Variants in GOLGA8A observed in about 807,000 individuals in gnomAD.
GOLGA8A encodes the protein golgin A8 family member A.
Under a neutral mutation model 22.1 loss-of-function variants are expected in GOLGA8A, and 3 were observed. The observed-to-expected ratio is 0.14, with a 90% CI of 0.06 to 0.35. The LOEUF (loss-of-function observed/expected upper bound fraction) is 0.35, where lower values mean the gene tolerates loss of function less well. Ranked by LOEUF, GOLGA8A falls within the 10% of genes least tolerant of loss-of-function variation. The pLI is 1.00. For missense variants in GOLGA8A, 16 were observed against 233.2 expected, an observed-to-expected ratio of 0.07 and a Z score of 6.07; for synonymous variants, 7 against 91.7, an observed-to-expected ratio of 0.08 and a Z score of 5.28.
chr15:34,423,460 A>C (rs201663298), intron 2 of GOLGA8A, among the ~76,000 whole-genome samples: 5,859 of 136,082 alleles, frequency 0.043, 55 homozygotes, highest in South Asian at 0.13. Flanking sequence ...CAAAGACTAA[A>C]TGAAAATGAT....
intron 1 of GOLGA8A, among the ~76,000 whole-genome samples, chr15:34,437,128 T>C (rs1893561674): frequency 6.8e-6 from 1 of 146,266 alleles, no homozygotes; most frequent in Admixed American, 6.8e-5. Context: ...CCTCCCGGGA[T>C]GCGAAAGCCA....
chr15:34,386,108 G>A (rs981935306), intron 12 of GOLGA8A, among the ~76,000 whole-genome samples: 2 of 147,592 alleles, frequency 1.4e-5, no homozygotes, highest in African/African-American at 2.7e-5. Flanking sequence ...TACTGAGCAC[G>A]TACGGGCCAG....
chr15:34,432,206 G>T lies in GOLGA8A; in HGVS notation c.-1123+3177C>A, dbSNP rs1324729373. Among the ~76,000 whole-genome samples the T allele has an allele frequency of 1.3e-5, 2 of 149,124 alleles. 1 individual carries two copies. Among genetic ancestry groups the T allele is most frequent in the African/African-American group, 4.9e-5 (2 of 40,406 alleles). ...GCTCCCAGACCCTTTTCCCATCGCT[G>T]TATAGGGCCCACGTCATCTGTGGCA... On this transcript the variant is annotated intron_variant, in intron 2 of 24. Coordinates refer to ENST00000359187, the MANE Select transcript of GOLGA8A (RefSeq NM_181077.5).
At chr15:34,425,855 A>T (rs1892961511) in intron 2 of GOLGA8A, among the ~76,000 whole-genome samples, 1 of 145,494 alleles carries the variant, frequency 6.9e-6, no homozygotes, top group South Asian at 2.4e-4. Flanking sequence ...CACAATTTTT[A>T]CAAACACAAA....
At chr15:34,435,494 A>C (rs1225259377) in intron 1 of GOLGA8A, 23 bp from the exon 2 acceptor site, 2 of 148,742 alleles carry the variant, frequency 1.3e-5, no homozygotes, top group South Asian at 4.3e-4. Flanking sequence ...TTTTTTTTTA[A>C]AGTTTAGAGT....
In GOLGA8A at chr15:34,423,835, G is replaced by A. The variant is rs3866561; in HGVS notation, c.-1123+11548C>T. ...CCCCACCACCTGCTTTGAGAACCAG[G>A]GCTGTGCCCTACCCTCTTCTCCCTA... On this transcript the variant is annotated intron_variant, in intron 2 of 24. Transcript: ENST00000359187. 1.1e-4 allele frequency among the ~76,000 whole-genome samples: 17 copies of A among 149,096 alleles called. 2 individuals carry two copies. Among genetic ancestry groups the A allele is most frequent in the South Asian group, 6.4e-4 (3 of 4,686 alleles).
At chr15:34,400,639 C>A (rs1316754482) in intron 6 of GOLGA8A, 73 bp downstream of exon 6, 2 of 142,820 alleles carry the variant, frequency 1.4e-5, no homozygotes, top group Non-Finnish European at 3.1e-5. Flanking sequence ...TTGTTTTAGG[C>A]CTGCGTGCTT....
At chr15:34,432,166 C>G (rs1367520320) in intron 2 of GOLGA8A, among the ~76,000 whole-genome samples, 2 of 149,176 alleles carry the variant, frequency 1.3e-5, no homozygotes. Context: ...CGTCAGCCAC[C>G]TTCCTGGAGG....
Position 34,429,894 on chromosome 15 carries a change from CACT to C in GOLGA8A, c.-1123+5486_-1123+5488del, listed in dbSNP as rs201008183. On this transcript the variant is annotated intron_variant, in intron 2 of 24. Coordinates refer to ENST00000359187, the MANE Select transcript of GOLGA8A (RefSeq NM_181077.5). The stretch of plus-strand genomic sequence containing the variant: ...TTAGTGTCCCGCACCCCTTTGTTTC[CACT>C]ATTAGATTAAGCCACCCTATGTGAC... Among the ~76,000 whole-genome samples the C allele has an allele frequency of 1.3e-4, 19 of 147,992 alleles. No individual in the cohort carries two copies. In the East Asian group the frequency reaches 2.6e-3, roughly 20 times the overall value.
At chr15:34,431,343 A>ATCTCTCTC (rs1566914036) in intron 2 of GOLGA8A, among the ~76,000 whole-genome samples, 1 of 119,304 alleles carries the variant, frequency 8.4e-6, no homozygotes, top group African/African-American at 3.2e-5. Context: ...ATATATATAT[A>ATCTCTCTC]TATCTCACAC....
chr15:34,422,695 G>A lies in GOLGA8A; in HGVS notation c.-1123+12688C>T, dbSNP rs1240391029. Among the ~76,000 whole-genome samples, 6 of 86,990 alleles carry A rather than the reference G, an allele frequency of 6.9e-5. 1 individual carries two copies. The highest frequency in any genetic ancestry group is 1.4e-4 in the Non-Finnish European group (5 of 34,742). 57.1% of individuals were successfully genotyped at this position (86,990 alleles called of 152,430 possible). A position where few individuals can be genotyped will look rare whatever the true frequency, so the allele number is the denominator to read the frequency against. On this transcript the variant is annotated intron_variant, in intron 2 of 24. Coordinates refer to ENST00000359187, the MANE Select transcript of GOLGA8A (RefSeq NM_181077.5). ...ATGCCTGCTACTTGGCCTTGTGTAC[G>A]CTCGCGCTCGTGCGCTTGTGCGCTC...
intron 2 of GOLGA8A, among the ~76,000 whole-genome samples, chr15:34,427,657 G>C (rs349634): frequency 0.55 from 78,703 of 144,124 alleles, 25,703 homozygotes; most frequent in Non-Finnish European, 0.67. Context: ...CAGCCTGCCA[G>C]CCATCGGACT....
Position 34,436,537 on chromosome 15 carries a change from G to T in GOLGA8A, c.-1212+861C>A, listed in dbSNP as rs1490911292. On this transcript the variant is annotated intron_variant, in intron 1 of 24. Coordinates refer to ENST00000359187, the MANE Select transcript of GOLGA8A (RefSeq NM_181077.5). ...GTAAATACTAAGTTAAGACTAGCAG[G>T]CCCCTCTAAGGCTCTGCTCTCCACT... Among the ~76,000 whole-genome samples the T allele has an allele frequency of 1.3e-5, 2 of 149,932 alleles. 1 individual carries two copies. Among genetic ancestry groups the T allele is most frequent in the African/African-American group, 4.9e-5 (2 of 40,714 alleles).
chr15:34,422,989 AGAG>A (rs1331840353), intron 2 of GOLGA8A, among the ~76,000 whole-genome samples: 1 of 128,942 alleles, frequency 7.8e-6, no homozygotes, highest in Non-Finnish European at 1.7e-5. Flanking sequence ...TCCACTGAGC[AGAG>A]GAACTGCGTC....
In GOLGA8A at chr15:34,380,744, T is replaced by C. The variant is rs1386778177; in HGVS notation, c.*667A>G. ...GATGAAACACACTGTATCCTGCACA[T>C]ACCTGCCAGAGCAGGCCACTTTCCT... On this transcript the variant is annotated 3_prime_UTR_variant, in exon 25 of 25. Coordinates refer to ENST00000359187, the MANE Select transcript of GOLGA8A (RefSeq NM_181077.5). The C allele has an allele frequency of 1.1e-5, 2 of 178,230 alleles. No homozygotes were observed. The highest frequency in any genetic ancestry group is 1.6e-4 in the East Asian group (1 of 6,286). 11.0% of individuals were successfully genotyped at this position (178,230 alleles called of 1,614,324 possible). A position where few individuals can be genotyped will look rare whatever the true frequency, so the allele number is the denominator to read the frequency against.
chr15:34,428,330 A>C (rs1324961318), intron 2 of GOLGA8A, among the ~76,000 whole-genome samples: 1 of 148,158 alleles, frequency 6.7e-6, no homozygotes, highest in Non-Finnish European at 1.5e-5. Context: ...CCTGGGCTTA[A>C]GCGATCCTCC....
intron 2 of GOLGA8A, among the ~76,000 whole-genome samples, chr15:34,431,753 C>A (rs1458321955): frequency 6.7e-6 from 1 of 148,220 alleles, no homozygotes; most frequent in Non-Finnish European, 1.5e-5. Context: ...ACATTGTATA[C>A]CTAGGCTACA....
chr15:34,431,328 T>TAC (rs1289329298), intron 2 of GOLGA8A, among the ~76,000 whole-genome samples: 4 of 39,440 alleles, frequency 1.0e-4, no homozygotes, highest in African/African-American at 2.5e-4. Flanking sequence ...TATATATATA[T>TAC]ATATATATAT....
At chr15:34,418,793 G>T (rs1892676786) in intron 2 of GOLGA8A, 1 of 147,260 alleles carries the variant, frequency 6.8e-6, no homozygotes, top group African/African-American at 2.5e-5. Flanking sequence ...TGAGAGCCGG[G>T]TGGGTGGCAG....
Sources: allele counts gnomAD v4.1 joint callset (sites outside exome capture counted in the v4.1 genomes callset), GRCh38; gene constraint gnomAD v4.1.1; transcripts MANE v1.5; gene names NCBI Gene and HGNC (gene_info 2026-07-23, HGNC 2026-07-21).